SNTG1: variants seen among roughly 807,000 people sequenced by gnomAD.
SNTG1 encodes gamma-1-syntrophin.
Under a neutral mutation model 74.7 loss-of-function variants are expected in SNTG1, and 39 were observed. The ratio of observed to expected loss-of-function variants is 0.52; its 90% CI spans 0.40 to 0.68. The LOEUF (loss-of-function observed/expected upper bound fraction) is 0.68, where lower values mean the gene tolerates loss of function less well. SNTG1 is among the 30% of genes least tolerant of loss of function. The pLI is 0.00. For synonymous variants in SNTG1, 254 were observed against 217.1 expected, an observed-to-expected ratio of 1.17 and a Z score of -1.49; for missense variants, 685 against 609.5, an observed-to-expected ratio of 1.12 and a Z score of -1.30.
chr8:50,693,828 A>T (rs79169115), intron 15 of SNTG1, among the ~76,000 whole-genome samples: 1 of 152,222 alleles, frequency 6.6e-6, no homozygotes, highest in East Asian at 1.9e-4. Context: ...TCACAAATAT[A>T]TGAATATTAA....
At chr8:50,095,556 C>A (rs559056961) in intron 1 of SNTG1, among the ~76,000 whole-genome samples, 1 of 152,208 alleles carries the variant, frequency 6.6e-6, no homozygotes, top group Admixed American at 6.5e-5. Context: ...ATAATGAAAT[C>A]CACATAAGAT....
At chr8:50,269,872 T>C (rs1181996480) in intron 2 of SNTG1, among the ~76,000 whole-genome samples, 2 of 152,124 alleles carry the variant, frequency 1.3e-5, no homozygotes, top group African/African-American at 4.8e-5. Flanking sequence ...CTCTATGAGC[T>C]TAGGAGGAAG....
At chr8:50,313,476 C>T (rs1563883214) in intron 2 of SNTG1, among the ~76,000 whole-genome samples, 1 of 149,348 alleles carries the variant, frequency 6.7e-6, no homozygotes, top group South Asian at 2.2e-4. Context: ...GAAAACAATC[C>T]TGTGAAAAAA....
intron 1 of SNTG1, among the ~76,000 whole-genome samples, chr8:50,137,667 A>T (rs1256414051): frequency 1.3e-5 from 2 of 152,206 alleles, no homozygotes; most frequent in African/African-American, 4.8e-5. Context: ...TTCTAAGGTC[A>T]GACCTGGCAA....
At position 50,172,550 on chromosome 8, in the gene SNTG1, T is replaced by A. The variant is rs2082844469; in HGVS notation, c.-102-11T>A. 6.6e-6 allele frequency: 1 copy of A among 152,136 alleles called. No individual in the cohort carries two copies. The highest frequency in any genetic ancestry group is 6.6e-5 in the Admixed American group (1 of 15,254). 9.4% of individuals were successfully genotyped at this position (152,136 alleles called of 1,614,324 possible). Reference sequence around the variant, plus strand: ...CTCATAGGACTTATTTTTTTTTATTTCTGCATCTAGACTGCTCTCCAGAAT... The same window carrying A: ...CTCATAGGACTTATTTTTTTTTATTACTGCATCTAGACTGCTCTCCAGAAT... On this transcript the variant is annotated splice_polypyrimidine_tract_variant and intron_variant, in intron 1 of 18. Coordinates refer to ENST00000642720, the MANE Select transcript of SNTG1 (RefSeq NM_018967.5).
intron 15 of SNTG1, among the ~76,000 whole-genome samples, chr8:50,668,206 T>C (rs1323890881): frequency 1.3e-5 from 2 of 152,008 alleles, no homozygotes; most frequent in Non-Finnish European, 2.9e-5. Context: ...TTTCTTGGTT[T>C]ATTAATATTT....
At chr8:50,252,066 C>A (rs1357877076) in intron 2 of SNTG1, among the ~76,000 whole-genome samples, 3 of 151,954 alleles carry the variant, frequency 2.0e-5, no homozygotes, top group Non-Finnish European at 4.4e-5. Flanking sequence ...ACTTCAAAAA[C>A]CTTACAAATA....
At chr8:50,006,970 G>A (rs1815300740) in intron 1 of SNTG1, among the ~76,000 whole-genome samples, 1 of 152,090 alleles carries the variant, frequency 6.6e-6, no homozygotes, top group African/African-American at 2.4e-5. Flanking sequence ...AGGGGACTAA[G>A]TGGCTTCCCA....
chr8:50,199,514 G>C (rs1744531107), intron 2 of SNTG1, among the ~76,000 whole-genome samples: 2 of 152,132 alleles, frequency 1.3e-5, no homozygotes. Context: ...ACTGCGCCTG[G>C]CAGGACTTAA....
intron 2 of SNTG1, among the ~76,000 whole-genome samples, chr8:50,376,536 C>T (rs758352410): frequency 2.0e-5 from 3 of 151,662 alleles, no homozygotes; most frequent in African/African-American, 4.8e-5. Flanking sequence ...AATGATTCAG[C>T]AAGTAAGTAA....
chr8:50,001,178 T>C (rs778963127), intron 1 of SNTG1, among the ~76,000 whole-genome samples: 84 of 151,986 alleles, frequency 5.5e-4, no homozygotes, highest in African/African-American at 2.0e-3. Context: ...TTCAGAGAAA[T>C]GGAAAATTAC....
At chr8:50,485,523 T>G (rs1315602441) in intron 8 of SNTG1, among the ~76,000 whole-genome samples, 2 of 152,006 alleles carry the variant, frequency 1.3e-5, no homozygotes, top group Admixed American at 6.6e-5. Flanking sequence ...GGTTGTTTGT[T>G]TTTTTCTTGT....
intron 18 of SNTG1, among the ~76,000 whole-genome samples, chr8:50,754,545 T>A (rs1261275606): frequency 2.0e-5 from 3 of 151,908 alleles, no homozygotes; most frequent in Non-Finnish European, 4.4e-5. Context: ...TCTGACAATA[T>A]TGTTAGATTA....
intron 1 of SNTG1, among the ~76,000 whole-genome samples, chr8:50,052,661 A>G (rs1470949243): frequency 3.3e-5 from 5 of 152,144 alleles, no homozygotes; most frequent in Non-Finnish European, 7.4e-5. Flanking sequence ...CTATTTGTCA[A>G]TTACATTTCT....
rs544723753 is a variant in SNTG1 at position 50,600,971 on chromosome 8, C to T, written c.849+10054C>T. Among the ~76,000 whole-genome samples, 4 of 151,038 alleles carry T rather than the reference C, an allele frequency of 2.6e-5. No homozygotes were observed. In the South Asian group the frequency reaches 8.4e-4, roughly 32 times the overall value. On this transcript the variant is annotated intron_variant, in intron 13 of 18. Coordinates refer to ENST00000642720, the MANE Select transcript of SNTG1 (RefSeq NM_018967.5). ...GATTATGAGGTCAAGAGATTGAGACCATCCTGGCCAACATGGTGAAACCCC... is the reference window on the plus strand; with the variant it reads ...GATTATGAGGTCAAGAGATTGAGACTATCCTGGCCAACATGGTGAAACCCC...
intron 1 of SNTG1, among the ~76,000 whole-genome samples, chr8:50,119,030 A>G (rs2080915136): frequency 7.1e-6 from 1 of 140,892 alleles, no homozygotes; most frequent in South Asian, 2.7e-4. Flanking sequence ...GGCCCTCCAA[A>G]CTGCTGTGGT....
At position 50,552,746 on chromosome 8, in the gene SNTG1, G is replaced by T. The variant is rs192005991; in HGVS notation, c.681-304G>T. ...ATAATGTTATAGCAAACTGGGAAAA[G>T]AATGCATCTAAAATTTCTTAGATTC... On this transcript the variant is annotated intron_variant, in intron 11 of 18. Transcript: ENST00000642720. Among the ~76,000 whole-genome samples, 644 of 152,250 alleles carry T rather than the reference G, an allele frequency of 4.2e-3. 9 individuals carry two copies. The highest frequency in any genetic ancestry group is 0.014 in the African/African-American group (583 of 41,546).
intron 9 of SNTG1, among the ~76,000 whole-genome samples, chr8:50,513,313 T>C (rs2094101315): frequency 6.6e-6 from 1 of 152,112 alleles, no homozygotes; most frequent in Admixed American, 6.5e-5. Flanking sequence ...GTGTGAGGTG[T>C]CAGTCTGCCC....
intron 13 of SNTG1, among the ~76,000 whole-genome samples, chr8:50,652,657 G>C (rs1447445565): frequency 6.6e-6 from 1 of 151,982 alleles, no homozygotes; most frequent in South Asian, 2.1e-4. Flanking sequence ...ATTAGCCGGG[G>C]TTGGTGGTGG....
Sources: allele counts gnomAD v4.1 joint callset (sites outside exome capture counted in the v4.1 genomes callset), GRCh38; gene constraint gnomAD v4.1.1; transcripts MANE v1.5; gene names NCBI Gene and HGNC (gene_info 2026-07-23, HGNC 2026-07-21).